The following VSTM5 variants were observed in gnomAD, a reference collection of about 807,000 sequenced individuals.
VSTM5 encodes V-set and transmembrane domain containing 5.
Under a neutral mutation model 20.3 loss-of-function variants are expected in VSTM5, and 21 were observed. The ratio of observed to expected loss-of-function variants is 1.03; its 90% confidence interval spans 0.73 to 1.49. VSTM5 has a LOEUF of 1.49. Among genes scored for constraint, VSTM5 ranks in the 40% most tolerant of loss-of-function variants. The pLI, the probability that VSTM5 is intolerant of heterozygous loss-of-function variation, is 0.00. For missense variants in VSTM5, 219 were observed against 250.0 expected (o/e 0.88, Z 0.84); for synonymous variants, 100 against 102.5 (o/e 0.98, Z 0.14).
chr11:93,833,705 T>C (rs1200839579), intron 1 of VSTM5, among the ~76,000 whole-genome samples: 1 of 152,144 alleles, frequency 6.6e-6, no homozygotes, highest in Non-Finnish European at 1.5e-5. Context: ...TGTTCCACAC[T>C]CTCCTCTCTC....
chr11:93,849,535 A>G (rs1944441237), intron 1 of VSTM5, among the ~76,000 whole-genome samples: 1 of 152,204 alleles, frequency 6.6e-6, no homozygotes, highest in African/African-American at 2.4e-5. Context: ...CTAAGGACTA[A>G]ATGAGAGAGG....
chr11:93,827,498 T>A (rs1944248576), intron 1 of VSTM5: 1 of 152,234 alleles, frequency 6.6e-6, no homozygotes, highest in Non-Finnish European at 1.5e-5. Flanking sequence ...CTGCATCTCA[T>A]GCTAAAATTA....
At chr11:93,824,015 C>A (rs1944212431) in intron 1 of VSTM5, among the ~76,000 whole-genome samples, 1 of 151,908 alleles carries the variant, frequency 6.6e-6, no homozygotes, top group Non-Finnish European at 1.5e-5. Context: ...TCAAGTGATT[C>A]TCCTGTCTCA....
At chr11:93,840,615 T>C (rs1330292767) in intron 1 of VSTM5, among the ~76,000 whole-genome samples, 1 of 152,194 alleles carries the variant, frequency 6.6e-6, no homozygotes, top group East Asian at 1.9e-4. Flanking sequence ...CTAGGGATGC[T>C]CTGGGGGCTT....
At chr11:93,825,951 T>G (rs1324777614) in intron 1 of VSTM5, among the ~76,000 whole-genome samples, 3 of 150,464 alleles carry the variant, frequency 2.0e-5, no homozygotes, top group Non-Finnish European at 3.0e-5. Flanking sequence ...AAAAAAGAAA[T>G]AAAGGCCAGG....
In VSTM5 at chr11:93,850,549, G is replaced by A. The variant is rs1172690458; in HGVS notation, c.-47C>T. On this transcript the variant is annotated 5_prime_UTR_variant, in exon 1 of 4. Coordinates refer to ENST00000409977, the MANE Select transcript of VSTM5 (RefSeq NM_001144871.2). ...GGCCGGGGTGTGTGCTGGCCGCACC[G>A]CGCTGCAGCTCCTATGCAGCCTTCT... 2 of 1,427,970 alleles carry A rather than the reference G, an allele frequency of 1.4e-6. No individual in the cohort carries two copies. The highest frequency in any genetic ancestry group is 2.5e-5 in the South Asian group (2 of 79,300). The allele number at this position is 1,427,970 out of a possible 1,614,324, so 88.5% of individuals were successfully genotyped here.
intron 1 of VSTM5, among the ~76,000 whole-genome samples, chr11:93,846,355 A>G (rs1327228888): frequency 1.3e-5 from 2 of 152,186 alleles, no homozygotes; most frequent in Non-Finnish European, 2.9e-5. Context: ...GGAGATCAGG[A>G]AGTAAGACAT....
intron 1 of VSTM5, among the ~76,000 whole-genome samples, chr11:93,826,507 C>T (rs1164084203): frequency 6.6e-6 from 1 of 151,976 alleles, no homozygotes; most frequent in Non-Finnish European, 1.5e-5. Context: ...GTGCCATTCT[C>T]CTGCCTCAGC....
At chr11:93,850,385 G>A in intron 1 of VSTM5, 27 bp downstream of exon 1, 1 of 1,508,776 alleles carries the variant, frequency 6.6e-7, no homozygotes, top group Non-Finnish European at 8.9e-7. Flanking sequence ...CGCTCCCCCA[G>A]CACCCGGGGC....
chr11:93,850,067 GC>G (rs1944445756), intron 1 of VSTM5, among the ~76,000 whole-genome samples: 1 of 152,256 alleles, frequency 6.6e-6, no homozygotes, highest in Non-Finnish European at 1.5e-5. Flanking sequence ...TGCAGAGGCG[GC>G]GGCCACAGGG....
chr11:93,826,645 C>T (rs1384524709), intron 1 of VSTM5, among the ~76,000 whole-genome samples: 3 of 152,154 alleles, frequency 2.0e-5, no homozygotes, highest in Non-Finnish European at 2.9e-5. Flanking sequence ...GTGATCCGCC[C>T]GCCTCAGCCT....
chr11:93,843,474 A>G (rs1591403472), intron 1 of VSTM5, among the ~76,000 whole-genome samples: 1 of 152,080 alleles, frequency 6.6e-6, no homozygotes, highest in African/African-American at 2.4e-5. Flanking sequence ...GAATGAATGA[A>G]TGAATGAATG....
At chr11:93,827,611 T>C (rs767794123) in intron 1 of VSTM5, 2 of 152,064 alleles carry the variant, frequency 1.3e-5, no homozygotes, top group South Asian at 2.1e-4. Context: ...CTTTCACTTA[T>C]AAAATGGATG....
Position 93,822,367 on chromosome 11 carries a change from C to T in VSTM5, c.92-1044G>A, listed in dbSNP as rs893127563. ...AAAGTGCTGGGATTACAGGCATGAGCCAGTGCACCCAGCCATCTCCTTTTT... is the reference window on the plus strand; with the variant it reads ...AAAGTGCTGGGATTACAGGCATGAGTCAGTGCACCCAGCCATCTCCTTTTT... On this transcript the variant is annotated intron_variant, in intron 1 of 3. Transcript: ENST00000409977. 3.3e-5 allele frequency among the ~76,000 whole-genome samples: 5 copies of T among 152,060 alleles called. 1 individual carries two copies. Among genetic ancestry groups the T allele is most frequent in the African/African-American group, 1.2e-4 (5 of 41,366 alleles).
chr11:93,830,647 T>A (rs1174011595), intron 1 of VSTM5, among the ~76,000 whole-genome samples: 1 of 152,128 alleles, frequency 6.6e-6, no homozygotes, highest in Non-Finnish European at 1.5e-5. Flanking sequence ...GAGCTGAGGG[T>A]CACTGGATCT....
rs887377210 is a variant in VSTM5 at position 93,844,384 on chromosome 11, C to G, written c.91+6028G>C. On this transcript the variant is annotated intron_variant, in intron 1 of 3. Coordinates refer to ENST00000409977, the MANE Select transcript of VSTM5 (RefSeq NM_001144871.2). Reference sequence around the variant, plus strand: ...AGGAGCTTGACATTAGGTCCCCTTACCCGTGCCTAGTGCTGAAGGACCCAC... The same window carrying G: ...AGGAGCTTGACATTAGGTCCCCTTAGCCGTGCCTAGTGCTGAAGGACCCAC... Among the ~76,000 whole-genome samples, 5 of 152,080 alleles carry G rather than the reference C, an allele frequency of 3.3e-5. No homozygotes were observed. The East Asian group carries it at 5.8e-4, about 18-fold the overall frequency.
intron 1 of VSTM5, among the ~76,000 whole-genome samples, chr11:93,825,750 TTTTTC>T (rs1944228186): frequency 1.3e-5 from 2 of 151,768 alleles, no homozygotes; most frequent in African/African-American, 4.8e-5. Flanking sequence ...CTTCCTTTTC[TTTTTC>T]TTTTCTTTTT....
Position 93,850,556 on chromosome 11 carries a change from A to ATAGGAGCTGCAGC in VSTM5, c.-55_-54insGCTGCAGCTCCTA. On this transcript the variant is annotated 5_prime_UTR_variant, in exon 1 of 4. It adds an upstream start codon to the 5' untranslated region. Transcript: ENST00000409977. Reference sequence around the variant, plus strand: ...GTGTGTGCTGGCCGCACCGCGCTGCAGCTCCTATGCAGCCTTCTCTCTTCC... The same window carrying ATAGGAGCTGCAGC: ...GTGTGTGCTGGCCGCACCGCGCTGCATAGGAGCTGCAGCGCTCCTATGCAGCCTTCTCTCTTCC... 3 of 1,375,298 alleles carry ATAGGAGCTGCAGC rather than the reference A, an allele frequency of 2.2e-6. No individual in the cohort carries two copies. The highest frequency in any genetic ancestry group is 3.0e-6 in the Non-Finnish European group (3 of 1,007,330). The allele number at this position is 1,375,298 out of a possible 1,614,324, so 85.2% of individuals were successfully genotyped here.
chr11:93,837,011 G>GCACAAACACACACACACA (rs1944328502), intron 1 of VSTM5, among the ~76,000 whole-genome samples: 1 of 140,742 alleles, frequency 7.1e-6, no homozygotes, highest in African/African-American at 2.7e-5. Flanking sequence ...AAAAAAAAAT[G>GCACAAACACACACACACA]CACACACACA....
Sources: gnomAD v4.1 joint callset for allele counts (sites outside exome capture counted in the v4.1 genomes callset) on GRCh38, gnomAD v4.1.1 for gene constraint, MANE v1.5 for transcripts, NCBI Gene and HGNC (gene_info 2026-07-23, HGNC 2026-07-21) for gene names.